Variants in PTPN23 observed in about 807,000 individuals in gnomAD.
PTPN23 encodes the protein tyrosine-protein phosphatase non-receptor type 23.
A neutral mutation model predicts 156.3 loss-of-function variants in PTPN23; 72 were observed. The observed-to-expected ratio is 0.46, with a 90% confidence interval of 0.38 to 0.56. PTPN23 has a LOEUF of 0.56. Ranked by LOEUF, PTPN23 falls within the 20% of genes least tolerant of loss-of-function variation. PTPN23 has a pLI of 0.00. For synonymous variants in PTPN23, 957 were observed against 899.6 expected (o/e 1.06, Z -1.14); for missense variants, 1,974 against 2,171.5 (o/e 0.91, Z 1.81).
chr3:47,413,259 T>G lies in PTPN23; in HGVS notation c.*74T>G. On this transcript the variant is annotated 3_prime_UTR_variant, in exon 25 of 25. Transcript: ENST00000265562. Reference sequence around the variant, plus strand: ...CCCACCTGCCCACACCCAGCAGAGCTTCTCAGTGGGCACAGTCTCTTACTC... The same window carrying G: ...CCCACCTGCCCACACCCAGCAGAGCGTCTCAGTGGGCACAGTCTCTTACTC... 1 of 1,525,752 alleles carries G rather than the reference T, an allele frequency of 6.6e-7. No homozygotes were observed. 94.5% of individuals were successfully genotyped at this position (1,525,752 alleles called of 1,614,324 possible). A position where few individuals can be genotyped will look rare whatever the true frequency, so the allele number is the denominator to read the frequency against.
At position 47,413,305 on chromosome 3, in the gene PTPN23, C is replaced by A; in HGVS notation, c.*120C>A. 1 of 1,395,340 alleles carries A rather than the reference C, an allele frequency of 7.2e-7. No individual in the cohort carries two copies. Among genetic ancestry groups the A allele is most frequent in the Non-Finnish European group, 9.8e-7 (1 of 1,024,150 alleles). The allele number at this position is 1,395,340 out of a possible 1,614,324, so 86.4% of individuals were successfully genotyped here. ...TACTCCCATTTCTGCTGCCTTTGGCCCTGCCTGGCCCAGCCTGCACCCCTG... is the reference window on the plus strand; with the variant it reads ...TACTCCCATTTCTGCTGCCTTTGGCACTGCCTGGCCCAGCCTGCACCCCTG... On this transcript the variant is annotated 3_prime_UTR_variant, in exon 25 of 25. Coordinates refer to ENST00000265562, the MANE Select transcript of PTPN23 (RefSeq NM_015466.4).
At position 47,412,954 on chromosome 3, in the gene PTPN23, G is replaced by A; in HGVS notation, c.4680G>A (p.Glu1560=). ...SPLPEAPQPK[E]EPPVPEAPSS... The stretch of plus-strand genomic sequence containing the variant: ...TACCTGAGGCTCCCCAGCCTAAGGA[G>A]GAGCCGCCAGTGCCTGAAGCCCCCA... The change falls in exon 25 of 25, where the codon GAG becomes GAA. Residue 1560 remains glutamate (E), a synonymous_variant. Coordinates refer to ENST00000265562, the MANE Select transcript of PTPN23 (RefSeq NM_015466.4). 6.2e-7 allele frequency: 1 copy of A among 1,604,408 alleles called. No individual in the cohort carries two copies. Among genetic ancestry groups the A allele is most frequent in the South Asian group, 1.1e-5 (1 of 90,548 alleles).
rs754253770 is a variant in PTPN23 at position 47,409,253 on chromosome 3, G to A, written c.1733G>A (p.Arg578His). Residue 578 changes from arginine (R) to histidine (H), a missense_variant, in exon 17 of 25, where the codon CGT becomes CAT. Arg to His is a conservative substitution (Grantham distance 29). This residue lies in a region of PTPN23 where 726 missense variants were observed against 929.5 expected (regional missense o/e 0.78). Transcript: ENST00000265562. Reference protein sequence around the residue: ...DQRVSLEQQLRELIQKDDITA... With the variant: ...DQRVSLEQQLHELIQKDDITA... Reference sequence around the variant, plus strand: ...CGCGTGTCCCTGGAGCAGCAGCTGCGTGAGCTTATCCAGAAAGATGACATC... The same window carrying A: ...CGCGTGTCCCTGGAGCAGCAGCTGCATGAGCTTATCCAGAAAGATGACATC... 1.2e-5 allele frequency: 20 copies of A among 1,614,166 alleles called. No homozygotes were observed. Among genetic ancestry groups the A allele is most frequent in the Non-Finnish European group, 1.6e-5 (19 of 1,180,048 alleles).
At chr3:47,404,564 G>A in intron 2 of PTPN23, 88 bp from the exon 3 acceptor site, 1 of 1,547,078 alleles carries the variant, frequency 6.5e-7, no homozygotes, top group South Asian at 1.2e-5. Context: ...CAGCTGTGAT[G>A]CATTTTCCTG....
rs2107726642 is a variant in PTPN23 at position 47,411,980 on chromosome 3, C to T, written c.4073+13C>T. 2 of 1,608,346 alleles carry T rather than the reference C, an allele frequency of 1.2e-6. No homozygotes were observed. The highest frequency in any genetic ancestry group is 3.3e-5 in the Admixed American group (2 of 59,792). Reference sequence around the variant, plus strand: ...CTTGGCCTGAGTTGTGAGTCCACTGCTCTGGATGGTGGTTGGGGGTCTAAG... The same window carrying T: ...CTTGGCCTGAGTTGTGAGTCCACTGTTCTGGATGGTGGTTGGGGGTCTAAG... On this transcript the variant is annotated intron_variant, in intron 21 of 24. Coordinates refer to ENST00000265562, the MANE Select transcript of PTPN23 (RefSeq NM_015466.4). This position sits in a 1 kb window ranked among gnomAD's most constrained non-coding sequence, Gnocchi z 6.3.
chr3:47,387,403 CAAA>C (rs34969941), intron 1 of PTPN23, among the ~76,000 whole-genome samples: 1 of 107,918 alleles, frequency 9.3e-6, no homozygotes, highest in Non-Finnish European at 1.8e-5. Flanking sequence ...CCTGTCTCTA[CAAA>C]AAAAAAAAAA....
At chr3:47,400,642 C>T (rs1275685956) in intron 2 of PTPN23, among the ~76,000 whole-genome samples, 2 of 152,182 alleles carry the variant, frequency 1.3e-5, no homozygotes, top group African/African-American at 4.8e-5. Flanking sequence ...GGCACAACCT[C>T]GGCTCACCAC....
intron 1 of PTPN23, among the ~76,000 whole-genome samples, chr3:47,391,066 A>C (rs899846681): frequency 1.3e-5 from 2 of 152,106 alleles, no homozygotes; most frequent in African/African-American, 4.8e-5. Flanking sequence ...GCAATATAGC[A>C]AGACACTACC....
Position 47,411,295 on chromosome 3 carries a change from A to G in PTPN23, c.3497A>G (p.Glu1166Gly). The G allele has an allele frequency of 3.1e-6, 5 of 1,612,236 alleles. No individual in the cohort carries two copies. The highest frequency in any genetic ancestry group is 1.1e-5 in the South Asian group (1 of 91,088). Reference sequence around the variant, plus strand: ...CGGCTGATTGAGCGGGACCCCTATGAGCATCCTGAGAGGCTGCGGCAGTTG... The same window carrying G: ...CGGCTGATTGAGCGGGACCCCTATGGGCATCCTGAGAGGCTGCGGCAGTTG... ...ALRLIERDPY[E>G]HPERLRQLQQ... is the part of the protein sequence containing the mutation. The change falls in exon 20 of 25, where the codon GAG becomes GGG. Residue 1166 changes from glutamate (E) to glycine (G), a missense_variant. Physicochemically the swap from Glu to Gly is moderately conservative, Grantham distance 98. This residue lies in a region of PTPN23 where 731 missense variants were observed against 669.1 expected (regional missense o/e 1.09). Coordinates refer to ENST00000265562, the MANE Select transcript of PTPN23 (RefSeq NM_015466.4). This position sits in a 1 kb window ranked among gnomAD's most constrained non-coding sequence, Gnocchi z 6.3.
At position 47,408,447 on chromosome 3, in the gene PTPN23, C is replaced by T. The variant is rs765274200; in HGVS notation, c.1287C>T (p.Ser429=). ...PQLMEKCAAL[S]VRPDTVRNLV... is the part of the protein sequence containing the mutation. ...TCATGGAGAAGTGCGCGGCTCTCAG[C>T]GTCCGGCCCGACACTGTCAGGAACC... The change falls in exon 15 of 25, where the codon AGC becomes AGT. Residue 429 remains serine, a synonymous_variant. Transcript: ENST00000265562. 43 of 1,614,000 alleles carry T rather than the reference C, an allele frequency of 2.7e-5. No individual in the cohort carries two copies. The highest frequency in any genetic ancestry group is 3.5e-5 in the Non-Finnish European group (41 of 1,180,002).
rs181302604 is a variant in PTPN23 at position 47,406,794 on chromosome 3, C to T, written c.807+44C>T. 1.9e-6 allele frequency: 3 copies of T among 1,610,292 alleles called. No homozygotes were observed. Among genetic ancestry groups the T allele is most frequent in the South Asian group, 2.2e-5 (2 of 90,704 alleles). ...GGGACTGGGGACCAATGGCAGCCTTCAGTGAGATGCCGGTGTGCTCCCGCT... is the reference window on the plus strand; with the variant it reads ...GGGACTGGGGACCAATGGCAGCCTTTAGTGAGATGCCGGTGTGCTCCCGCT... On this transcript the variant is annotated intron_variant, in intron 9 of 24. Coordinates refer to ENST00000265562, the MANE Select transcript of PTPN23 (RefSeq NM_015466.4). The surrounding 1 kb of genome is among the most constrained non-coding windows in gnomAD (Gnocchi z 5.8).
intron 2 of PTPN23, among the ~76,000 whole-genome samples, chr3:47,404,206 G>A (rs1010826837): frequency 3.3e-5 from 5 of 152,156 alleles, no homozygotes; most frequent in East Asian, 3.8e-4. Context: ...AGGCTGAGGC[G>A]GGTGGATCAC....
rs201154882 is a variant in PTPN23 at position 47,411,170 on chromosome 3, G to A, written c.3372G>A (p.Pro1124=). 137 of 1,602,424 alleles carry A rather than the reference G, an allele frequency of 8.5e-5. No homozygotes were observed. The highest frequency in any genetic ancestry group is 1.1e-4 in the Non-Finnish European group (128 of 1,176,518). Reference sequence around the variant, plus strand: ...CTGCAGACCTGCTCTCCTCCAGCCCGGAGAGCCAGCATGGCGGCACTCAGT... The same window carrying A: ...CTGCAGACCTGCTCTCCTCCAGCCCAGAGAGCCAGCATGGCGGCACTCAGT... The part of the protein sequence containing the change: ...AAAADLLSSS[P]ESQHGGTQSP... The change falls in exon 20 of 25, where the codon CCG becomes CCA. Residue 1124 remains proline (P), a synonymous_variant. Transcript: ENST00000265562. The surrounding 1 kb of genome is among the most constrained non-coding windows in gnomAD (Gnocchi z 6.3).
chr3:47,405,250 G>C lies in PTPN23; in HGVS notation c.364+169G>C. ...TGCCAGCTCCTCCACTGTTTTCTGGGCTGGGCCCGTGGGGAGCCTCTGCTG... is the reference window on the plus strand; with the variant it reads ...TGCCAGCTCCTCCACTGTTTTCTGGCCTGGGCCCGTGGGGAGCCTCTGCTG... On this transcript the variant is annotated intron_variant, in intron 4 of 24. Transcript: ENST00000265562. This position sits in a 1 kb window ranked among gnomAD's most constrained non-coding sequence, Gnocchi z 4.7. 3.0e-6 allele frequency: 2 copies of C among 661,398 alleles called. No homozygotes were observed. The highest frequency in any genetic ancestry group is 5.3e-6 in the Non-Finnish European group (2 of 379,202). 41.0% of individuals were successfully genotyped at this position (661,398 alleles called of 1,614,324 possible). A position where few individuals can be genotyped will look rare whatever the true frequency, so the allele number is the denominator to read the frequency against.
rs781612646 is a variant in PTPN23 at position 47,411,115 on chromosome 3, C to A, written c.3317C>A (p.Pro1106Gln). The A allele has an allele frequency of 3.1e-6, 5 of 1,603,692 alleles. No individual in the cohort carries two copies. The South Asian group carries it at 5.6e-5, about 18-fold the overall frequency. ...CCCCCTCGCCCCCCAGCAGCAGAACCACCCCCTTGCCTGCGCCGAGGCGCC... is the reference window on the plus strand; with the variant it reads ...CCCCCTCGCCCCCCAGCAGCAGAACAACCCCCTTGCCTGCGCCGAGGCGCC... Reference protein sequence around the residue: ...PVPPRPPAAEPPPCLRRGAAA... With the variant: ...PVPPRPPAAEQPPCLRRGAAA... Residue 1106 changes from proline to glutamine, a missense_variant, in exon 20 of 25, where the codon CCA (proline) becomes CAA (glutamine). By Grantham distance (76) the Pro-to-Gln change is moderately conservative. Coordinates refer to ENST00000265562, the MANE Select transcript of PTPN23 (RefSeq NM_015466.4). The surrounding 1 kb of genome is among the most constrained non-coding windows in gnomAD (Gnocchi z 6.3).
At position 47,408,849 on chromosome 3, in the gene PTPN23, G is replaced by T; in HGVS notation, c.1404G>T (p.Leu468=). Residue 468 remains leucine, a synonymous_variant, in exon 16 of 25, where the codon CTG becomes CTT. Transcript: ENST00000265562. ...GAGATCTGTTGGAGGAGGATGAGCT[G>T]CTAGAGCAGAAGTTTCAGGAGGCGG... ...DIRDLLEEDE[L]LEQKFQEAVG... The T allele has an allele frequency of 6.2e-7, 1 of 1,614,130 alleles. No individual in the cohort carries two copies. Among genetic ancestry groups the T allele is most frequent in the Middle Eastern group, 1.6e-4 (1 of 6,062 alleles).
Position 47,411,442 on chromosome 3 carries a change from G to A in PTPN23, c.3644G>A (p.Arg1215His), listed in dbSNP as rs1194592456. Reference sequence around the variant, plus strand: ...CGAGGCCGTTCCATCGCCATTGCCCGCTGCTACTCACTGAAGAACCGGCAC... The same window carrying A: ...CGAGGCCGTTCCATCGCCATTGCCCACTGCTACTCACTGAAGAACCGGCAC... ...DARGRSIAIA[R>H]CYSLKNRHQD... is the part of the protein sequence containing the mutation. The change falls in exon 20 of 25, where the codon CGC becomes CAC. Residue 1215 changes from arginine (R) to histidine (H), a missense_variant. Arg to His is a conservative substitution (Grantham distance 29). Around this residue, in one of 4 missense-constraint regions of PTPN23, gnomAD observed 33 missense variants for 56.9 expected, o/e 0.58. Transcript: ENST00000265562. The surrounding 1 kb of genome is among the most constrained non-coding windows in gnomAD (Gnocchi z 6.3). 1.2e-6 allele frequency: 2 copies of A among 1,613,000 alleles called. No homozygotes were observed. The highest frequency in any genetic ancestry group is 1.1e-5 in the South Asian group (1 of 91,090).
Position 47,410,203 on chromosome 3 carries a change from T to G in PTPN23, c.2405T>G (p.Leu802Arg). The G allele has an allele frequency of 1.2e-6, 2 of 1,609,862 alleles. No individual in the cohort carries two copies. Among genetic ancestry groups the G allele is most frequent in the Admixed American group, 1.7e-5 (1 of 59,612 alleles). Residue 802 changes from leucine (L) to arginine (R), a missense_variant, in exon 20 of 25, where the codon CTG (leucine) becomes CGG (arginine). Transcript: ENST00000265562. ...PPGTYSGPTQ[L>R]IQPRAPGPHA... is the part of the protein sequence containing the mutation. Reference sequence around the variant, plus strand: ...GGTACCTACTCGGGCCCCACCCAGCTGATACAGCCCAGGGCCCCAGGGCCC... The same window carrying G: ...GGTACCTACTCGGGCCCCACCCAGCGGATACAGCCCAGGGCCCCAGGGCCC...
Position 47,410,678 on chromosome 3 carries a change from G to A in PTPN23, c.2880G>A (p.Gln960=). ...GGCCCCAGCCCCAGCCCCATCCTCA[G>A]CCCCATCCTTCACAAGCGTTTGGGC... ...RIGPQPQPHP[Q]PHPSQAFGPQ... Residue 960 remains glutamine (Q), a synonymous_variant, in exon 20 of 25, where the codon CAG becomes CAA. Coordinates refer to ENST00000265562, the MANE Select transcript of PTPN23 (RefSeq NM_015466.4). 1 of 1,602,398 alleles carries A rather than the reference G, an allele frequency of 6.2e-7. No individual in the cohort carries two copies. Among genetic ancestry groups the A allele is most frequent in the Admixed American group, 1.7e-5 (1 of 59,094 alleles).
Sources: allele counts gnomAD v4.1 joint callset (sites outside exome capture counted in the v4.1 genomes callset), GRCh38; gene constraint gnomAD v4.1.1; regional missense constraint gnomAD v4.1.1; non-coding constraint Gnocchi (gnomAD v3.1); transcripts MANE v1.5; gene names NCBI Gene and HGNC (gene_info 2026-07-23, HGNC 2026-07-21).